Variants in NCKAP5 observed in about 807,000 individuals in gnomAD.
The protein encoded by NCKAP5 is nck-associated protein 5.
A neutral mutation model predicts 167.0 loss-of-function variants in NCKAP5; 92 were observed. The observed-to-expected ratio is 0.55, with a 90% CI of 0.47 to 0.66. NCKAP5 has a LOEUF of 0.66. Among genes scored for constraint, NCKAP5 ranks in the 30% least tolerant of loss-of-function variants. The pLI is 0.00. For synonymous variants in NCKAP5, 891 were observed against 877.4 expected (o/e 1.02, Z -0.27); for missense variants, 2,378 against 2,315.0 (o/e 1.03, Z -0.56).
chr2:133,017,144 T>C (rs2078367055), intron 6 of NCKAP5, among the ~76,000 whole-genome samples: 1 of 152,198 alleles, frequency 6.6e-6, no homozygotes, highest in Non-Finnish European at 1.5e-5. Context: ...GCAAAGACAA[T>C]ACCTCTGTGT....
chr2:132,684,273 C>A (rs1685643717), intron 19 of NCKAP5, among the ~76,000 whole-genome samples: 1 of 152,198 alleles, frequency 6.6e-6, no homozygotes, highest in Admixed American at 6.5e-5. Flanking sequence ...TATGGATCAG[C>A]AAAATCAATA....
intron 4 of NCKAP5, among the ~76,000 whole-genome samples, chr2:133,261,647 G>A (rs2088912891): frequency 1.3e-5 from 2 of 152,094 alleles, no homozygotes; most frequent in Non-Finnish European, 2.9e-5. Flanking sequence ...CTTTTTACAA[G>A]CATTTGATGA....
Position 133,079,850 on chromosome 2 carries a change from GT to G in NCKAP5, c.341+50127del, listed in dbSNP as rs572044917. Among the ~76,000 whole-genome samples, 89 of 152,160 alleles carry G rather than the reference GT, an allele frequency of 5.8e-4. 1 individual carries two copies. Among genetic ancestry groups the G allele is most frequent in the Admixed American group, 9.8e-4 (15 of 15,278 alleles). ...TATTCAAAATTCTTTTACAGTGTAA[GT>G]TTTAATGGTTGTAGAATATTCTGTC... is the stretch of plus-strand genomic sequence containing the variant. On this transcript the variant is annotated intron_variant, in intron 6 of 19. Transcript: ENST00000409261.
chr2:133,339,039 A>G (rs763018762), intron 3 of NCKAP5, among the ~76,000 whole-genome samples: 1 of 152,096 alleles, frequency 6.6e-6, no homozygotes, highest in Non-Finnish European at 1.5e-5. Context: ...AAAAATAAAA[A>G]TAAAATACAA....
intron 6 of NCKAP5, among the ~76,000 whole-genome samples, chr2:133,082,069 T>C (rs1339199793): frequency 6.6e-6 from 1 of 152,108 alleles, no homozygotes. Flanking sequence ...CTGCTGTCTG[T>C]TGTGCCCCAA....
intron 8 of NCKAP5, among the ~76,000 whole-genome samples, chr2:132,948,971 A>G (rs752109474): frequency 1.3e-5 from 2 of 151,450 alleles, no homozygotes; most frequent in African/African-American, 2.4e-5. Context: ...CTTTTGGTAC[A>G]GTAACTCAGA....
chr2:133,408,032 A>G (rs1321535981), intron 3 of NCKAP5, among the ~76,000 whole-genome samples: 4 of 152,136 alleles, frequency 2.6e-5, no homozygotes, highest in African/African-American at 9.7e-5. Context: ...CACAGCCCTC[A>G]TTTCACAACT....
At position 132,746,048 on chromosome 2, in the gene NCKAP5, G is replaced by A. The variant is rs548373791; in HGVS notation, c.5129-13997C>T. On this transcript the variant is annotated intron_variant, in intron 16 of 19. Coordinates refer to ENST00000409261, the MANE Select transcript of NCKAP5 (RefSeq NM_207363.3). ...TGACATTTTAATCAAAACACTATCA[G>A]GTTTTTTTTTAAAAAAAGACGTTGA... Among the ~76,000 whole-genome samples, 21 of 151,696 alleles carry A rather than the reference G, an allele frequency of 1.4e-4. No homozygotes were observed. The South Asian group carries it at 1.7e-3, about 12-fold the overall frequency.
chr2:133,625,566 A>C, the NCKAP5 span, among the ~76,000 whole-genome samples: 2 of 152,140 alleles, frequency 1.3e-5, no homozygotes, highest in Non-Finnish European at 2.9e-5. Flanking sequence ...TCCAGCTTGA[A>C]GAGGCTCCCA....
intron 3 of NCKAP5, among the ~76,000 whole-genome samples, chr2:133,429,125 G>C (rs981443778): frequency 1.3e-5 from 2 of 152,102 alleles, no homozygotes; most frequent in African/African-American, 4.8e-5. Context: ...TGGGTGGACA[G>C]TTGCAGAAAT....
chr2:133,296,180 C>T (rs965160122), intron 4 of NCKAP5, among the ~76,000 whole-genome samples: 1 of 152,104 alleles, frequency 6.6e-6, no homozygotes, highest in Non-Finnish European at 1.5e-5. Flanking sequence ...GTTTTTCAGA[C>T]CCTGCATTCT....
chr2:133,392,431 A>G (rs1687474644), intron 3 of NCKAP5, among the ~76,000 whole-genome samples: 1 of 152,184 alleles, frequency 6.6e-6, no homozygotes, highest in Non-Finnish European at 1.5e-5. Context: ...CATTTCTCAG[A>G]ATACATTCTC....
At chr2:133,136,094 C>G (rs2149816686) in intron 5 of NCKAP5, among the ~76,000 whole-genome samples, 1 of 152,254 alleles carries the variant, frequency 6.6e-6, no homozygotes, top group Middle Eastern at 3.4e-3. Flanking sequence ...CAAATGCCAT[C>G]TAGAATATAT....
At chr2:132,692,108 G>GATTTT (rs5834326) in intron 19 of NCKAP5, among the ~76,000 whole-genome samples, 43,013 of 136,486 alleles carry the variant, frequency 0.32, 8,342 homozygotes, top group East Asian at 0.47. Flanking sequence ...AAGCCTGCTT[G>GATTTT]ATTTTATTTT....
At chr2:132,976,706 G>C (rs2076988142) in intron 7 of NCKAP5, among the ~76,000 whole-genome samples, 1 of 151,760 alleles carries the variant, frequency 6.6e-6, no homozygotes, top group Non-Finnish European at 1.5e-5. Context: ...TAATTAGCTT[G>C]ATCTAGCCAT....
chr2:133,041,847 A>T (rs1450288860), intron 6 of NCKAP5, among the ~76,000 whole-genome samples: 1 of 152,204 alleles, frequency 6.6e-6, no homozygotes, highest in Non-Finnish European at 1.5e-5. Context: ...GGAAAGAAAC[A>T]ATGTACATTT....
chr2:133,042,108 A>T (rs1182833893), intron 6 of NCKAP5, among the ~76,000 whole-genome samples: 2 of 152,150 alleles, frequency 1.3e-5, no homozygotes, highest in Non-Finnish European at 2.9e-5. Flanking sequence ...TTATGCATGG[A>T]TTTGACTGAG....
intron 8 of NCKAP5, among the ~76,000 whole-genome samples, chr2:132,951,647 T>C (rs1298947650): frequency 6.6e-6 from 1 of 152,200 alleles, no homozygotes; most frequent in Non-Finnish European, 1.5e-5. Flanking sequence ...TTTACAGCAT[T>C]TCATAGTTTC....
At chr2:133,475,198 A>C (rs1010049838) in intron 3 of NCKAP5, among the ~76,000 whole-genome samples, 4 of 152,216 alleles carry the variant, frequency 2.6e-5, no homozygotes. Flanking sequence ...TGGCTGAATT[A>C]AACATATCTG....
Sources: gnomAD v4.1 joint callset for allele counts (sites outside exome capture counted in the v4.1 genomes callset) on GRCh38, gnomAD v4.1.1 for gene constraint, MANE v1.5 for transcripts, NCBI Gene and HGNC (gene_info 2026-07-23, HGNC 2026-07-21) for gene names.